Variants in SUCLG2 observed in about 807,000 individuals in gnomAD.
SUCLG2 encodes succinate-CoA ligase GDP-forming subunit beta.
In SUCLG2, 42 loss-of-function variants were observed where a neutral mutation model predicts 47.9. That is an observed-to-expected ratio of 0.88 (90% CI 0.69 to 1.14). The LOEUF (loss-of-function observed/expected upper bound fraction) is 1.14. Among genes scored for constraint, SUCLG2 ranks in the 50% most tolerant of loss-of-function variants. The probability of loss-of-function intolerance (pLI) is 0.00; values close to 1 mark genes in which losing one functional copy is unlikely to be tolerated. For missense variants in SUCLG2, 571 were observed against 525.9 expected, an observed-to-expected ratio of 1.09 and a Z score of -0.84; for synonymous variants, 195 against 197.3, an observed-to-expected ratio of 0.99 and a Z score of 0.10.
chr3:67,572,164 T>C (rs1559577620), intron 2 of SUCLG2, among the ~76,000 whole-genome samples: 1 of 152,214 alleles, frequency 6.6e-6, no homozygotes, highest in Non-Finnish European at 1.5e-5. Flanking sequence ...ATATTATATC[T>C]GAGAACTAAA....
At chr3:67,573,309 A>G (rs1013856310) in intron 2 of SUCLG2, among the ~76,000 whole-genome samples, 2 of 152,230 alleles carry the variant, frequency 1.3e-5, no homozygotes, top group East Asian at 3.9e-4. Context: ...TGACAAGCAG[A>G]TCCTAAAATG....
At chr3:67,517,062 G>T (rs1039475049) in intron 6 of SUCLG2, among the ~76,000 whole-genome samples, 7 of 152,168 alleles carry the variant, frequency 4.6e-5, no homozygotes, top group East Asian at 3.9e-4. Context: ...ATGGCAATTA[G>T]TTCCTCTAAC....
chr3:67,483,389 G>A (rs1422316026), intron 9 of SUCLG2, among the ~76,000 whole-genome samples: 2 of 152,118 alleles, frequency 1.3e-5, no homozygotes, highest in East Asian at 1.9e-4. Context: ...ATCATGGAAC[G>A]GCGATGACAT....
intron 9 of SUCLG2, among the ~76,000 whole-genome samples, chr3:67,492,075 G>C (rs1705221206): frequency 6.6e-6 from 1 of 152,136 alleles, no homozygotes; most frequent in Non-Finnish European, 1.5e-5. Context: ...TTTCTTCCTA[G>C]ATATTTCAAG....
At chr3:67,510,889 CT>C (rs369542916) in intron 6 of SUCLG2, among the ~76,000 whole-genome samples, 9,931 of 124,052 alleles carry the variant, frequency 0.08, 299 homozygotes, top group East Asian at 0.21. Context: ...TTAAATTGTT[CT>C]TTTTTTTTTT....
chr3:67,368,831 C>T (rs1037606190), intron 10 of SUCLG2, among the ~76,000 whole-genome samples: 1 of 152,102 alleles, frequency 6.6e-6, no homozygotes, highest in Non-Finnish European at 1.5e-5. Context: ...GTCTCGAATT[C>T]CTAACCTCAG....
intron 9 of SUCLG2, among the ~76,000 whole-genome samples, chr3:67,409,899 C>T (rs1478126212): frequency 1.3e-5 from 2 of 152,156 alleles, no homozygotes; most frequent in African/African-American, 2.4e-5. Context: ...TAAAGCCATA[C>T]TTCCTCCCAA....
intron 9 of SUCLG2, among the ~76,000 whole-genome samples, chr3:67,489,274 A>C (rs571569178): frequency 2.0e-5 from 3 of 152,210 alleles, no homozygotes; most frequent in Admixed American, 6.5e-5. Flanking sequence ...ATATGCAAAA[A>C]TCAACATTTA....
chr3:67,519,967 A>C (rs1706049871), intron 5 of SUCLG2, among the ~76,000 whole-genome samples: 1 of 152,182 alleles, frequency 6.6e-6, no homozygotes, highest in African/African-American at 2.4e-5. Flanking sequence ...TAATATCAAT[A>C]AATGAGTCAA....
At chr3:67,653,378 A>G (rs1017543989) in intron 1 of SUCLG2, among the ~76,000 whole-genome samples, 5 of 152,236 alleles carry the variant, frequency 3.3e-5, no homozygotes, top group Non-Finnish European at 5.9e-5. Flanking sequence ...ATATTACAGT[A>G]GTAAGTATTA....
Position 67,400,739 on chromosome 3 carries a change from C to T in SUCLG2, c.1175G>A (p.Arg392Gln), listed in dbSNP as rs180701292. 32 of 1,611,730 alleles carry T rather than the reference C, an allele frequency of 2.0e-5. 1 individual carries two copies. The highest frequency in any genetic ancestry group is 6.7e-5 in the Admixed American group (4 of 59,816). Reference protein sequence around the residue: ...ELELKVPLVVRLEGTNVQEAQ... With the variant: ...ELELKVPLVVQLEGTNVQEAQ... The stretch of plus-strand genomic sequence containing the variant: ...AATCTACCATGACTCACCTTCAAGC[C>T]GGACCACCAGGGGCACCTTGAGTTC... Residue 392 changes from arginine (R) to glutamine (Q), a missense_variant, in exon 10 of 11, where the codon CGG (arginine) becomes CAG (glutamine). By Grantham distance (43) the Arg-to-Gln change is conservative. Transcript: ENST00000307227.
chr3:67,592,492 A>G (rs1456110694), intron 2 of SUCLG2, among the ~76,000 whole-genome samples: 7 of 152,192 alleles, frequency 4.6e-5, no homozygotes, highest in Admixed American at 3.3e-4. Context: ...CCCAGTTCAT[A>G]GAGAAAGAAA....
At chr3:67,639,297 T>C (rs769525383) in intron 1 of SUCLG2, among the ~76,000 whole-genome samples, 1 of 152,076 alleles carries the variant, frequency 6.6e-6, no homozygotes, top group Non-Finnish European at 1.5e-5. Context: ...AGAAGAAAAA[T>C]GTGAAGTCAA....
In SUCLG2 at chr3:67,645,447, T is replaced by C. The variant is rs779079606; in HGVS notation, c.84+9056A>G. Among the ~76,000 whole-genome samples, 28 of 152,290 alleles carry C rather than the reference T, an allele frequency of 1.8e-4. No homozygotes were observed. In the South Asian group the frequency reaches 1.9e-3, roughly 10 times the overall value. ...AACCATCCTATTCAACACTCAGCCA[T>C]TCAGTCCTTCTGCATCATTTTAAAA... On this transcript the variant is annotated intron_variant, in intron 1 of 10. Transcript: ENST00000307227.
intron 9 of SUCLG2, among the ~76,000 whole-genome samples, chr3:67,474,259 CA>C (rs577118114): frequency 8.6e-5 from 12 of 139,072 alleles, no homozygotes; most frequent in African/African-American, 1.1e-4. Context: ...GACTCCATCT[CA>C]AAAAAAAAAG....
intron 2 of SUCLG2, among the ~76,000 whole-genome samples, chr3:67,538,252 C>T (rs943156037): frequency 7.2e-5 from 11 of 151,964 alleles, no homozygotes; most frequent in Non-Finnish European, 8.8e-5. Context: ...TTGTGTAAGG[C>T]GTAAGGAAGG....
chr3:67,496,894 A>T (rs936584530), intron 8 of SUCLG2, among the ~76,000 whole-genome samples: 2 of 152,158 alleles, frequency 1.3e-5, no homozygotes, highest in Non-Finnish European at 2.9e-5. Flanking sequence ...TATGACTGTG[A>T]CTAATTAAAT....
chr3:67,555,446 G>A (rs1341277762), intron 2 of SUCLG2, among the ~76,000 whole-genome samples: 1 of 152,066 alleles, frequency 6.6e-6, no homozygotes, highest in Admixed American at 6.6e-5. Flanking sequence ...AAGCAGTAAT[G>A]CCTCAACAGT....
At chr3:67,509,998 C>T (rs1705742638) in intron 6 of SUCLG2, among the ~76,000 whole-genome samples, 1 of 152,194 alleles carries the variant, frequency 6.6e-6, no homozygotes, top group African/African-American at 2.4e-5. Context: ...TACTTCCACT[C>T]CTCTCTTTCT....
Sources: gnomAD v4.1 joint callset for allele counts (sites outside exome capture counted in the v4.1 genomes callset) on GRCh38, gnomAD v4.1.1 for gene constraint, MANE v1.5 for transcripts, NCBI Gene and HGNC (gene_info 2026-07-23, HGNC 2026-07-21) for gene names.